MYO5A: variants seen among roughly 807,000 people sequenced by gnomAD.
MYO5A encodes unconventional myosin-Va.
Under a neutral mutation model 249.7 loss-of-function variants are expected in MYO5A, and 98 were observed. That is an observed-to-expected ratio of 0.39 (90% CI 0.33 to 0.46). The LOEUF is 0.46. Ranked by LOEUF, MYO5A falls within the 20% of genes least tolerant of loss-of-function variation. The pLI is 0.98. For missense variants in MYO5A, 1,696 were observed against 2,308.8 expected (o/e 0.73, Z 5.44); for synonymous variants, 778 against 810.6 (o/e 0.96, Z 0.68).
At chr15:52,439,473 T>C (rs2075740083) in intron 1 of MYO5A, among the ~76,000 whole-genome samples, 1 of 152,218 alleles carries the variant, frequency 6.6e-6, no homozygotes, top group Non-Finnish European at 1.5e-5. Context: ...CCAGACTATA[T>C]ACTCTTTCAA....
intron 32 of MYO5A, among the ~76,000 whole-genome samples, chr15:52,338,856 TGTATTTTA>T (rs1392713474): frequency 2.6e-5 from 4 of 152,226 alleles, no homozygotes; most frequent in Non-Finnish European, 5.9e-5. Flanking sequence ...GATTTCACCT[TGTATTTTA>T]AAACAATAAT....
rs988296040 is a variant in MYO5A, at chr15:52,362,050, C to A, written c.3310-1969G>T. On this transcript the variant is annotated intron_variant, in intron 24 of 41. Transcript: ENST00000399233. ...ATCATTGGCTTGAAACTCCTTAGCCCTGGATTGGTCCTTCCTCTTTGCCTC... is the reference window on the plus strand; with the variant it reads ...ATCATTGGCTTGAAACTCCTTAGCCATGGATTGGTCCTTCCTCTTTGCCTC... Among the ~76,000 whole-genome samples, 5 of 152,210 alleles carry A rather than the reference C, an allele frequency of 3.3e-5. No individual in the cohort carries two copies. In the South Asian group the frequency reaches 1.0e-3, roughly 32 times the overall value.
chr15:52,443,905 C>A (rs910274030), intron 1 of MYO5A, among the ~76,000 whole-genome samples: 2 of 151,912 alleles, frequency 1.3e-5, no homozygotes, highest in African/African-American at 4.8e-5. Flanking sequence ...ATTGCTTGAA[C>A]CTGAGAGGCG....
chr15:52,462,139 G>A (rs1374594417), intron 1 of MYO5A, among the ~76,000 whole-genome samples: 54 of 151,570 alleles, frequency 3.6e-4, no homozygotes, highest in Middle Eastern at 3.4e-3. Flanking sequence ...GGTGGCAGGC[G>A]CCTGTAGTCC....
chr15:52,465,401 T>C (rs1344794202), intron 1 of MYO5A, among the ~76,000 whole-genome samples: 1 of 151,790 alleles, frequency 6.6e-6, no homozygotes, highest in East Asian at 1.9e-4. Context: ...GAATGGTTGG[T>C]ATAAAATATT....
chr15:52,526,675 T>C (rs1418872574), intron 1 of MYO5A, among the ~76,000 whole-genome samples: 1 of 152,158 alleles, frequency 6.6e-6, no homozygotes, highest in Non-Finnish European at 1.5e-5. Context: ...AATTTTTTTG[T>C]AGAGACCAGG....
intron 27 of MYO5A, among the ~76,000 whole-genome samples, chr15:52,351,745 T>C (rs1251015104): frequency 1.3e-5 from 2 of 152,158 alleles, no homozygotes; most frequent in African/African-American, 4.8e-5. Context: ...CTGCCCAGGG[T>C]GTGTTCACTG....
At position 52,410,588 on chromosome 15, in the gene MYO5A, A is replaced by AT. The variant is rs5812605; in HGVS notation, c.613-113dup. The AT allele has an allele frequency of 0.24, 163,993 of 676,674 alleles. 10,401 individuals are homozygous for AT. Among genetic ancestry groups the AT allele is most frequent in the African/African-American group, 0.52 (25,745 of 49,450 alleles). The allele number at this position is 676,674 out of a possible 1,614,324, so 41.9% of individuals were successfully genotyped here. A position where few individuals can be genotyped will look rare whatever the true frequency, so the allele number is the denominator to read the frequency against. On this transcript the variant is annotated intron_variant, in intron 5 of 41. Coordinates refer to ENST00000399233, the MANE Select transcript of MYO5A (RefSeq NM_001382347.1). ...AGTAGAACACAGGTCCTTAAAATTG[A>AT]TTTTTTTTTTTTTTTTTGAGACAGA...
intron 1 of MYO5A, among the ~76,000 whole-genome samples, chr15:52,485,431 T>C (rs2693462): frequency 0.79 from 119,797 of 152,022 alleles, 47,635 homozygotes; most frequent in South Asian, 0.85. Context: ...ATGAGTTAAG[T>C]AGCCTAAGTC....
intron 3 of MYO5A, 46 bp from the exon 4 acceptor site, chr15:52,426,020 C>A: frequency 6.5e-7 from 1 of 1,535,238 alleles, no homozygotes; most frequent in Non-Finnish European, 9.0e-7. Context: ...GTCAATGATA[C>A]CCTAATGGGC....
intron 9 of MYO5A, among the ~76,000 whole-genome samples, chr15:52,398,771 C>CTGAG (rs1204370762): frequency 6.6e-6 from 1 of 152,066 alleles, no homozygotes; most frequent in Non-Finnish European, 1.5e-5. Flanking sequence ...GGAGGATCAC[C>CTGAG]TGAGGTTAGG....
chr15:52,507,923 G>T (rs868770288), intron 1 of MYO5A, among the ~76,000 whole-genome samples: 1 of 151,532 alleles, frequency 6.6e-6, no homozygotes, highest in Non-Finnish European at 1.5e-5. Context: ...TGCTACCTAA[G>T]AGTTAACATT....
chr15:52,499,999 G>A (rs11855438), intron 1 of MYO5A, among the ~76,000 whole-genome samples: 22,431 of 152,112 alleles, frequency 0.15, 1,780 homozygotes, highest in Middle Eastern at 0.22. Flanking sequence ...GTTACAGTGA[G>A]CTACAATCAC....
At chr15:52,340,483 T>C (rs1268713874) in intron 31 of MYO5A, 89 bp from the exon 32 acceptor site, 5 of 1,137,288 alleles carry the variant, frequency 4.4e-6, no homozygotes, top group Admixed American at 1.8e-5. Flanking sequence ...CTTGCAAGAG[T>C]AGGAAAAGCA....
In MYO5A at chr15:52,379,722, T is replaced by G; in HGVS notation, c.2111A>C (p.Gln704Pro). 1 of 1,614,204 alleles carries G rather than the reference T, an allele frequency of 6.2e-7. No individual in the cohort carries two copies. The highest frequency in any genetic ancestry group is 8.5e-7 in the Non-Finnish European group (1 of 1,179,996). Reference sequence around the variant, plus strand: ...GACACGGTAGCGGCTGAAAAATTCTTGGTAAGTCCACCTATTAAAAGAAAA... The same window carrying G: ...GACACGGTAGCGGCTGAAAAATTCTGGGTAAGTCCACCTATTAAAAGAAAA... ...AAGFPSRWTYQEFFSRYRVLM... is the reference protein window; with the variant it reads ...AAGFPSRWTYPEFFSRYRVLM... The change falls in exon 18 of 42, where the codon CAA (glutamine) becomes CCA (proline). Residue 704 changes from glutamine (Q) to proline (P), a missense_variant. Around this residue, in one of 5 missense-constraint regions of MYO5A, gnomAD observed 277 missense variants for 422.4 expected, o/e 0.66. Transcript: ENST00000399233.
chr15:52,502,728 T>G (rs998419992), intron 1 of MYO5A, among the ~76,000 whole-genome samples: 2 of 152,266 alleles, frequency 1.3e-5, no homozygotes, highest in Non-Finnish European at 2.9e-5. Context: ...TCTCTCATTG[T>G]GCCATTAGTA....
intron 1 of MYO5A, among the ~76,000 whole-genome samples, chr15:52,524,946 C>A (rs984653482): frequency 6.9e-6 from 1 of 144,686 alleles, no homozygotes; most frequent in Non-Finnish European, 1.5e-5. Context: ...TACCATGGTG[C>A]TATCCATGGT....
intron 24 of MYO5A, 31 bp downstream of exon 24, chr15:52,364,523 A>AT: frequency 6.3e-7 from 1 of 1,585,030 alleles, no homozygotes; most frequent in Non-Finnish European, 8.6e-7. Context: ...AAAATTTTTC[A>AT]TTAAAAAAAA....
In MYO5A at chr15:52,346,361, C is replaced by G. The variant is rs1254088119; in HGVS notation, c.3959G>C (p.Arg1320Thr). ...ATGAATAAAAGAAGGATCAACTTAC[C>G]TATTTGTTTCTTTCAAACCAATGTA... is the stretch of plus-strand genomic sequence containing the variant. ...QAYIGLKETN[R>T]SSALDYHELN... Residue 1320 changes from arginine (R) to threonine (T), a missense_variant and splice_region_variant, in exon 30 of 42, where the codon AGA becomes ACA. This residue lies in a region of MYO5A where 625 missense variants were observed against 908.1 expected (regional missense o/e 0.69). Coordinates refer to ENST00000399233, the MANE Select transcript of MYO5A (RefSeq NM_001382347.1). 1 of 1,552,456 alleles carries G rather than the reference C, an allele frequency of 6.4e-7. No homozygotes were observed. The highest frequency in any genetic ancestry group is 1.4e-5 in the African/African-American group (1 of 73,800).
Sources: gnomAD v4.1 joint callset for allele counts (sites outside exome capture counted in the v4.1 genomes callset) on GRCh38, gnomAD v4.1.1 for gene constraint, gnomAD v4.1.1 regional missense constraint, MANE v1.5 for transcripts, NCBI Gene and HGNC (gene_info 2026-07-23, HGNC 2026-07-21) for gene names.